RTN1: variants seen among roughly 807,000 people sequenced by gnomAD.
The protein encoded by RTN1 is reticulon-1.
RTN1 carries 25 observed loss-of-function variants against 65.5 expected under a neutral mutation model. The ratio of observed to expected loss-of-function variants is 0.38; its 90% CI spans 0.28 to 0.53. The LOEUF (loss-of-function observed/expected upper bound fraction) is 0.53, where lower values mean the gene tolerates loss of function less well. Among genes scored for constraint, RTN1 ranks in the 20% least tolerant of loss-of-function variants. RTN1 has a pLI of 0.79. For missense variants in RTN1, 983 were observed against 1,025.4 expected (o/e 0.96, Z 0.57); for synonymous variants, 471 against 447.6 (o/e 1.05, Z -0.66).
chr14:59,596,641 G>T lies in RTN1; in HGVS notation c.*104C>A. 1.1e-6 allele frequency: 1 copy of T among 891,484 alleles called. No homozygotes were observed. Among genetic ancestry groups the T allele is most frequent in the Non-Finnish European group, 1.9e-6 (1 of 525,618 alleles). 55.2% of individuals were successfully genotyped at this position (891,484 alleles called of 1,614,324 possible). ...GGTTTGTCTCTAAGATTATGGTACT[G>T]GAGGGAGGGGGGAAAGACAATCAAT... On this transcript the variant is annotated 3_prime_UTR_variant, in exon 9 of 9. Coordinates refer to ENST00000267484, the MANE Select transcript of RTN1 (RefSeq NM_021136.3).
At chr14:59,833,165 A>G (rs1887155867) in intron 1 of RTN1, among the ~76,000 whole-genome samples, 1 of 152,214 alleles carries the variant, frequency 6.6e-6, no homozygotes. Context: ...GCATGTCTGG[A>G]AAGTAATATG....
chr14:59,742,715 T>C (rs752373184), intron 2 of RTN1, among the ~76,000 whole-genome samples: 8 of 152,330 alleles, frequency 5.3e-5, no homozygotes, highest in Middle Eastern at 3.4e-3. Context: ...ACATGCTTTC[T>C]TTTTCCTCAG....
In RTN1 at chr14:59,870,581, G is replaced by A. The variant is rs1468168285; in HGVS notation, c.50C>T (p.Pro17Leu). 8.3e-6 allele frequency: 12 copies of A among 1,448,998 alleles called. No individual in the cohort carries two copies. The highest frequency in any genetic ancestry group is 1.5e-5 in the African/African-American group (1 of 67,716). 89.8% of individuals were successfully genotyped at this position (1,448,998 alleles called of 1,614,324 possible). A position where few individuals can be genotyped will look rare whatever the true frequency, so the allele number is the denominator to read the frequency against. Reference sequence around the variant, plus strand: ...CCGGTGCCTGAGCCACTGGGACCCGGGGCCGGCCAGCGGCAGCAGCTCGTC... The same window carrying A: ...CCGGTGCCTGAGCCACTGGGACCCGAGGCCGGCCAGCGGCAGCAGCTCGTC... ...PQDELLPLAGPGSQWLRHRGE... is the reference protein window; with the variant it reads ...PQDELLPLAGLGSQWLRHRGE... Residue 17 changes from proline (P) to leucine (L), a missense_variant, in exon 1 of 9, where the codon CCC (proline) becomes CTC (leucine). Pro to Leu is a moderately conservative substitution (Grantham distance 98). Transcript: ENST00000267484. This position sits in a 1 kb window ranked among gnomAD's most constrained non-coding sequence, Gnocchi z 5.1.
intron 1 of RTN1, among the ~76,000 whole-genome samples, chr14:59,799,652 G>A (rs1219468707): frequency 6.6e-6 from 1 of 152,218 alleles, no homozygotes; most frequent in Non-Finnish European, 1.5e-5. Flanking sequence ...CTCATTTGGT[G>A]CTCACAAGAA....
intron 1 of RTN1, among the ~76,000 whole-genome samples, chr14:59,749,124 A>ATATC: frequency 2.6e-5 from 1 of 38,210 alleles, no homozygotes; most frequent in Non-Finnish European, 3.8e-5. Flanking sequence ...ATATATATAT[A>ATATC]GATATATCTA....
chr14:59,712,814 G>C (rs1367350152), intron 3 of RTN1, among the ~76,000 whole-genome samples: 2 of 151,544 alleles, frequency 1.3e-5, no homozygotes, highest in African/African-American at 4.9e-5. Context: ...GGGAGGCTAA[G>C]GCAGGAGAAC....
chr14:59,864,524 CCTTA>C (rs894601016), intron 1 of RTN1, among the ~76,000 whole-genome samples: 5 of 151,508 alleles, frequency 3.3e-5, no homozygotes, highest in Non-Finnish European at 7.4e-5. Flanking sequence ...TGTTGCCCTT[CCTTA>C]CTCTCTCCCC....
At chr14:59,757,625 T>C (rs1435886315) in intron 1 of RTN1, among the ~76,000 whole-genome samples, 2 of 152,168 alleles carry the variant, frequency 1.3e-5, no homozygotes, top group African/African-American at 4.8e-5. Context: ...AGTGCCCTTG[T>C]AAAAGAGAGC....
chr14:59,622,305 C>T (rs1882276956), intron 3 of RTN1, among the ~76,000 whole-genome samples: 1 of 152,224 alleles, frequency 6.6e-6, no homozygotes, highest in African/African-American at 2.4e-5. Context: ...CGAGCCGCTG[C>T]ACTCCAGCCT....
chr14:59,687,472 C>A lies in RTN1; in HGVS notation c.1765+39447G>T, dbSNP rs552090950. Among the ~76,000 whole-genome samples, 4 of 152,088 alleles carry A rather than the reference C, an allele frequency of 2.6e-5. No homozygotes were observed. The South Asian group carries it at 8.3e-4, about 32-fold the overall frequency. On this transcript the variant is annotated intron_variant, in intron 3 of 8. Transcript: ENST00000267484. ...TAGGCAGATCTCCAGGCATTCAGAG[C>A]ACCTGCTCCCAAAGACTAGTAGCTT...
At chr14:59,711,410 C>T (rs10151203) in intron 3 of RTN1, among the ~76,000 whole-genome samples, 2 of 152,100 alleles carry the variant, frequency 1.3e-5, no homozygotes, top group Admixed American at 1.3e-4. Flanking sequence ...AAATGCTCTT[C>T]GTGAGTAATA....
At chr14:59,771,630 A>G (rs1056038607) in intron 1 of RTN1, among the ~76,000 whole-genome samples, 2 of 152,232 alleles carry the variant, frequency 1.3e-5, no homozygotes, top group African/African-American at 4.8e-5. Context: ...AATAAATGCC[A>G]AATGGCTGCT....
At chr14:59,672,964 T>G (rs1476772175) in intron 3 of RTN1, among the ~76,000 whole-genome samples, 2 of 152,236 alleles carry the variant, frequency 1.3e-5, no homozygotes, top group African/African-American at 4.8e-5. Flanking sequence ...TTGCCTTGAC[T>G]TCTTTGGTTA....
Position 59,660,489 on chromosome 14 carries a change from A to C in RTN1, c.1766-52997T>G, listed in dbSNP as rs1318299994. Among the ~76,000 whole-genome samples, 4 of 152,204 alleles carry C rather than the reference A, an allele frequency of 2.6e-5. No individual in the cohort carries two copies. In the East Asian group the frequency reaches 7.7e-4, roughly 29 times the overall value. ...TTCTAAAATTGACCATGTAATTGGA[A>C]GTAAAACACTCTTCAGCAAATGCAA... On this transcript the variant is annotated intron_variant, in intron 3 of 8. Coordinates refer to ENST00000267484, the MANE Select transcript of RTN1 (RefSeq NM_021136.3).
chr14:59,757,394 G>A (rs1357480378), intron 1 of RTN1, among the ~76,000 whole-genome samples: 2 of 152,098 alleles, frequency 1.3e-5, no homozygotes, highest in Non-Finnish European at 2.9e-5. Flanking sequence ...TTTATAATGG[G>A]AAACCCCTTT....
chr14:59,731,037 C>CA (rs1356484085), intron 2 of RTN1, among the ~76,000 whole-genome samples: 1 of 151,980 alleles, frequency 6.6e-6, no homozygotes, highest in Non-Finnish European at 1.5e-5. Flanking sequence ...TATGTCCACA[C>CA]AAAAAACTTG....
intron 1 of RTN1, among the ~76,000 whole-genome samples, chr14:59,762,215 A>T (rs1885763083): frequency 6.6e-6 from 1 of 152,174 alleles, no homozygotes; most frequent in South Asian, 2.1e-4. Context: ...GGACATCCCC[A>T]TTGAATTACT....
intron 1 of RTN1, among the ~76,000 whole-genome samples, chr14:59,814,059 A>G (rs1364018699): frequency 1.3e-5 from 2 of 152,222 alleles, no homozygotes; most frequent in Non-Finnish European, 2.9e-5. Flanking sequence ...GACTCCTGTG[A>G]AGCCCAGAGT....
intron 3 of RTN1, among the ~76,000 whole-genome samples, chr14:59,609,379 T>G (rs1881874870): frequency 6.6e-6 from 1 of 152,074 alleles, no homozygotes; most frequent in Non-Finnish European, 1.5e-5. Flanking sequence ...GTGTTAAAGA[T>G]TTGCTTGTCC....
Sources: gnomAD v4.1 joint callset for allele counts (sites outside exome capture counted in the v4.1 genomes callset) on GRCh38, gnomAD v4.1.1 for gene constraint, Gnocchi (gnomAD v3.1) non-coding constraint, MANE v1.5 for transcripts, NCBI Gene and HGNC (gene_info 2026-07-23, HGNC 2026-07-21) for gene names.